PALM2AKAP2: variants seen among roughly 807,000 people sequenced by gnomAD.
The protein encoded by PALM2AKAP2 is PALM2-AKAP2 fusion protein.
Under a neutral mutation model 71.5 loss-of-function variants are expected in PALM2AKAP2, and 37 were observed. The ratio of observed to expected loss-of-function variants is 0.52; its 90% CI spans 0.40 to 0.68. The LOEUF (loss-of-function observed/expected upper bound fraction) is 0.68. Ranked by LOEUF, PALM2AKAP2 falls within the 30% of genes least tolerant of loss-of-function variation. The pLI is 0.00. For synonymous variants in PALM2AKAP2, 468 were observed against 478.8 expected, an observed-to-expected ratio of 0.98 and a Z score of 0.29; for missense variants, 1,224 against 1,191.8, an observed-to-expected ratio of 1.03 and a Z score of -0.40.
At chr9:109,680,653 G>A (rs1264567688) in intron 1 of PALM2AKAP2, among the ~76,000 whole-genome samples, 1 of 152,138 alleles carries the variant, frequency 6.6e-6, no homozygotes, top group Non-Finnish European at 1.5e-5. Flanking sequence ...TGTAAGGCAT[G>A]TATTTTTTAT....
At chr9:109,747,359 C>T (rs4598324) in intron 1 of PALM2AKAP2, among the ~76,000 whole-genome samples, 6,506 of 152,210 alleles carry the variant, frequency 0.043, 190 homozygotes, top group Non-Finnish European at 0.053. Context: ...ATGTTTTACT[C>T]TAGAAATGTT....
intron 2 of PALM2AKAP2, among the ~76,000 whole-genome samples, chr9:109,871,116 T>C (rs1829592986): frequency 6.6e-6 from 1 of 152,218 alleles, no homozygotes; most frequent in African/African-American, 2.4e-5. Flanking sequence ...CACCTGTCTG[T>C]GGTCAAAGCA....
upstream of PALM2AKAP2, among the ~76,000 whole-genome samples, chr9:110,047,420 T>C (rs1833621541): frequency 6.6e-6 from 1 of 152,200 alleles, no homozygotes; most frequent in African/African-American, 2.4e-5. Context: ...CCCAAGGGTA[T>C]CATTTCTTTG....
At chr9:109,851,199 A>C (rs1829003056) in intron 1 of PALM2AKAP2, among the ~76,000 whole-genome samples, 1 of 46,914 alleles carries the variant, frequency 2.1e-5, no homozygotes. Flanking sequence ...AACAACAACA[A>C]CAACAACAAC....
intron 1 of PALM2AKAP2, among the ~76,000 whole-genome samples, chr9:109,702,596 G>A (rs555727157): frequency 1.3e-5 from 2 of 151,286 alleles, no homozygotes; most frequent in South Asian, 4.2e-4. Context: ...CTGTTGTGGG[G>A]GTGGGGGTAG....
chr9:110,137,391 C>T (rs1268981026), exon 2 of PALM2AKAP2: 1 of 1,614,138 alleles, frequency 6.2e-7, no homozygotes. Flanking sequence ...GACAGTGGTG[C>T]CTCAGCCGCC....
intron 2 of PALM2AKAP2, among the ~76,000 whole-genome samples, chr9:110,151,426 C>G (rs1259655818): frequency 6.6e-6 from 1 of 152,178 alleles, no homozygotes; most frequent in Non-Finnish European, 1.5e-5. Flanking sequence ...TGCTGCACTC[C>G]CATTCCTGAA....
chr9:109,780,465 C>T, exon 1 of PALM2AKAP2: 1 of 1,613,128 alleles, frequency 6.2e-7, no homozygotes, highest in Non-Finnish European at 8.5e-7. Flanking sequence ...TCCTCTTTCC[C>T]CTGCCTGTGT....
intron 1 of PALM2AKAP2, among the ~76,000 whole-genome samples, chr9:109,725,721 A>T (rs975252859): frequency 1.3e-5 from 2 of 152,226 alleles, no homozygotes; most frequent in Non-Finnish European, 2.9e-5. Flanking sequence ...AAGAGTACAT[A>T]AAAAAGCAAG....
chr9:109,843,007 G>C (rs946527477), intron 1 of PALM2AKAP2, among the ~76,000 whole-genome samples: 3 of 151,924 alleles, frequency 2.0e-5, no homozygotes, highest in African/African-American at 7.3e-5. Context: ...GGGCGTGGTG[G>C]CGCATGCTTG....
intron 6 of PALM2AKAP2, among the ~76,000 whole-genome samples, chr9:110,005,487 G>A (rs1218929789): frequency 6.6e-6 from 1 of 152,240 alleles, no homozygotes; most frequent in East Asian, 1.9e-4. Flanking sequence ...ACCCACTTGA[G>A]GAGGCAGTCT....
intron 2 of PALM2AKAP2, among the ~76,000 whole-genome samples, chr9:110,147,587 G>A (rs1836207799): frequency 6.6e-6 from 1 of 152,256 alleles, no homozygotes; most frequent in Non-Finnish European, 1.5e-5. Context: ...ACCAACCTGG[G>A]CAATATAGTG....
At chr9:109,972,172 A>G (rs916251146) in intron 6 of PALM2AKAP2, among the ~76,000 whole-genome samples, 9 of 152,184 alleles carry the variant, frequency 5.9e-5, no homozygotes, top group African/African-American at 2.2e-4. Flanking sequence ...CCTTGCCTAT[A>G]AATACAACTT....
intron 1 of PALM2AKAP2, among the ~76,000 whole-genome samples, chr9:109,715,840 C>G (rs993432307): frequency 1.3e-5 from 2 of 152,122 alleles, no homozygotes; most frequent in Non-Finnish European, 2.9e-5. Context: ...TTCTTTTCTT[C>G]TTCCTTCTTC....
intron 1 of PALM2AKAP2, among the ~76,000 whole-genome samples, chr9:110,095,424 G>C (rs1433176186): frequency 6.6e-6 from 1 of 152,108 alleles, no homozygotes; most frequent in Non-Finnish European, 1.5e-5. Context: ...GGATTGGAGG[G>C]GAGGCCCGCC....
At chr9:109,987,698 T>C (rs1320208430) in intron 6 of PALM2AKAP2, among the ~76,000 whole-genome samples, 2 of 152,228 alleles carry the variant, frequency 1.3e-5, no homozygotes, top group Non-Finnish European at 2.9e-5. Context: ...AGTTGTTTAA[T>C]TTTACAACAC....
chr9:109,758,210 T>C (rs1828995673), intron 1 of PALM2AKAP2, among the ~76,000 whole-genome samples: 1 of 152,150 alleles, frequency 6.6e-6, no homozygotes, highest in African/African-American at 2.4e-5. Flanking sequence ...TTTTCCATCC[T>C]GTCTTAAAGA....
intron 1 of PALM2AKAP2, among the ~76,000 whole-genome samples, chr9:109,839,087 G>A (rs984644665): frequency 2.6e-5 from 4 of 152,122 alleles, no homozygotes; most frequent in Non-Finnish European, 4.4e-5. Context: ...AACAAAAAAA[G>A]AGAATTTTAG....
intron 1 of PALM2AKAP2, among the ~76,000 whole-genome samples, chr9:109,789,278 G>A (rs772307114): frequency 6.6e-6 from 1 of 152,224 alleles, no homozygotes; most frequent in African/African-American, 2.4e-5. Context: ...TCAAATAGCA[G>A]ATCAGCCCAT....
Sources: gnomAD v4.1 joint callset for allele counts (sites outside exome capture counted in the v4.1 genomes callset) on GRCh38, gnomAD v4.1.1 for gene constraint, MANE v1.5 for transcripts, NCBI Gene and HGNC (gene_info 2026-07-23, HGNC 2026-07-21) for gene names.